CACNA1D: variants seen among roughly 807,000 people sequenced by gnomAD.
CACNA1D encodes calcium voltage-gated channel subunit alpha1 D.
A neutral mutation model predicts 257.1 loss-of-function variants in CACNA1D; 55 were observed. The observed-to-expected ratio is 0.21, with a 90% CI of 0.17 to 0.27. The LOEUF (loss-of-function observed/expected upper bound fraction) is 0.27. Among genes scored for constraint, CACNA1D ranks in the 10% least tolerant of loss-of-function variants. CACNA1D has a pLI of 1.00. For synonymous variants in CACNA1D, 980 were observed against 1,014.9 expected, an observed-to-expected ratio of 0.97 and a Z score of 0.65; for missense variants, 1,876 against 2,784.0, an observed-to-expected ratio of 0.67 and a Z score of 7.34.
intron 3 of CACNA1D, among the ~76,000 whole-genome samples, chr3:53,645,938 A>G (rs1576215499): frequency 6.6e-6 from 1 of 152,220 alleles, no homozygotes; most frequent in Non-Finnish European, 1.5e-5. Context: ...CTGAGTTGGG[A>G]CTAGCAGAAA....
chr3:53,566,653 G>A (rs575104459), intron 3 of CACNA1D, among the ~76,000 whole-genome samples: 51 of 152,248 alleles, frequency 3.3e-4, no homozygotes, highest in South Asian at 6.2e-4. Flanking sequence ...CATGGGAGCC[G>A]CTTGAGAGCT....
chr3:53,724,860 T>A (rs1249303653), intron 14 of CACNA1D, among the ~76,000 whole-genome samples: 2 of 152,216 alleles, frequency 1.3e-5, no homozygotes, highest in Non-Finnish European at 2.9e-5. Context: ...GGGAATGATC[T>A]GGACAATTCT....
chr3:53,555,921 TTAAGA>T (rs1466465560), intron 3 of CACNA1D, among the ~76,000 whole-genome samples: 1 of 152,218 alleles, frequency 6.6e-6, no homozygotes, highest in Non-Finnish European at 1.5e-5. Flanking sequence ...CTTACCACAA[TTAAGA>T]TAACAGAACA....
intron 3 of CACNA1D, among the ~76,000 whole-genome samples, chr3:53,633,139 G>T (rs575903228): frequency 6.6e-6 from 1 of 152,346 alleles, no homozygotes; most frequent in South Asian, 2.1e-4. Context: ...TGCATACTAT[G>T]TGCTGACCAT....
Position 53,730,569 on chromosome 3 carries a change from T to G in CACNA1D, c.2336+13T>G, listed in dbSNP as rs978542648. On this transcript the variant is annotated intron_variant, in intron 16 of 47. Coordinates refer to ENST00000350061, the MANE Select transcript of CACNA1D (RefSeq NM_001128840.3). ...AAAAGATTGCCAGGTAACCCTATTT[T>G]CCCCTGACGTGTTTGTCCAGGGGCT... 1.3e-5 allele frequency: 20 copies of G among 1,577,684 alleles called. No individual in the cohort carries two copies. Among genetic ancestry groups the G allele is most frequent in the Non-Finnish European group, 1.7e-5 (20 of 1,147,346 alleles).
intron 3 of CACNA1D, among the ~76,000 whole-genome samples, chr3:53,583,326 C>A (rs977254895): frequency 3.3e-5 from 5 of 151,994 alleles, no homozygotes; most frequent in African/African-American, 1.2e-4. Flanking sequence ...CCCTACCTGA[C>A]CCTCCTTATT....
In CACNA1D at chr3:53,789,649, G is replaced by A. The variant is rs1407273148; in HGVS notation, c.4923+2697G>A. The stretch of plus-strand genomic sequence containing the variant: ...CTCCTCCCACAGCAGGGTGCCCCAT[G>A]GCTGGCAGACTGCGTGCTAATGGAA... On this transcript the variant is annotated intron_variant, in intron 40 of 47. Transcript: ENST00000350061. The surrounding 1 kb of genome is among the most constrained non-coding windows in gnomAD (Gnocchi z 4.2). Among the ~76,000 whole-genome samples the A allele has an allele frequency of 6.6e-6, 1 of 152,226 alleles. No homozygotes were observed. Among genetic ancestry groups the A allele is most frequent in the African/African-American group, 2.4e-5 (1 of 41,462 alleles).
At chr3:53,765,560 C>T (rs1366885752) in intron 30 of CACNA1D, 1 of 152,646 alleles carries the variant, frequency 6.6e-6, no homozygotes, top group East Asian at 1.9e-4. Flanking sequence ...TTGGTTTTCA[C>T]TGCGCTCCAC....
At chr3:53,705,636 C>G (rs146628532) in intron 9 of CACNA1D, among the ~76,000 whole-genome samples, 11 of 152,254 alleles carry the variant, frequency 7.2e-5, no homozygotes, top group African/African-American at 2.6e-4. Flanking sequence ...CAGTGCTTCC[C>G]GAGTCATCAG....
At chr3:53,748,052 A>C (rs143302836) in intron 26 of CACNA1D, among the ~76,000 whole-genome samples, 24 of 152,314 alleles carry the variant, frequency 1.6e-4, no homozygotes, top group Non-Finnish European at 3.1e-4. Flanking sequence ...GCCCAAATCA[A>C]ATCAGTGTCA....
At chr3:53,586,450 T>TC (rs1162200791) in intron 3 of CACNA1D, among the ~76,000 whole-genome samples, 1 of 152,016 alleles carries the variant, frequency 6.6e-6, no homozygotes, top group Non-Finnish European at 1.5e-5. Context: ...ATTTTTTTTT[T>TC]TGTGGCACCC....
intron 3 of CACNA1D, among the ~76,000 whole-genome samples, chr3:53,535,084 A>G (rs1020027525): frequency 8.5e-5 from 13 of 152,174 alleles, no homozygotes; most frequent in African/African-American, 3.1e-4. Context: ...AGGGTAGAGA[A>G]ACCAAAGAGC....
At chr3:53,749,606 A>C in intron 27 of CACNA1D, 137 bp downstream of exon 27, 1 of 704,406 alleles carries the variant, frequency 1.4e-6, no homozygotes, top group South Asian at 1.5e-5. Flanking sequence ...TGTTCTAAGC[A>C]CACCCTCAGC....
intron 40 of CACNA1D, among the ~76,000 whole-genome samples, chr3:53,798,765 G>C (rs1453853754): frequency 6.6e-6 from 1 of 152,144 alleles, no homozygotes; most frequent in African/African-American, 2.4e-5. Context: ...ACCAGCACTG[G>C]CATTGGCAAC....
intron 12 of CACNA1D, among the ~76,000 whole-genome samples, 155 bp downstream of exon 12, chr3:53,722,629 A>G (rs1231548769): frequency 6.6e-6 from 1 of 152,252 alleles, no homozygotes; most frequent in African/African-American, 2.4e-5. Context: ...AGCAACTACC[A>G]GAGCGAGGGT....
chr3:53,760,323 G>A (rs2095293628), intron 29 of CACNA1D, among the ~76,000 whole-genome samples: 1 of 152,152 alleles, frequency 6.6e-6, no homozygotes. Context: ...AAAAGGCTGT[G>A]GTTCTGCAGT....
Position 53,811,055 on chromosome 3 carries a change from C to A in CACNA1D, c.6193-58C>A. On this transcript the variant is annotated intron_variant, in intron 47 of 47. Transcript: ENST00000350061. The surrounding 1 kb of genome is among the most constrained non-coding windows in gnomAD (Gnocchi z 4.2). ...ACTGGAGTTGATTTTTCTGTCGTCC[C>A]CCTGCCCTGCAAAGCCTTATAACAC... 7.2e-7 allele frequency: 1 copy of A among 1,391,732 alleles called. No individual in the cohort carries two copies. Among genetic ancestry groups the A allele is most frequent in the South Asian group, 1.2e-5 (1 of 86,420 alleles). 86.2% of individuals were successfully genotyped at this position (1,391,732 alleles called of 1,614,324 possible).
chr3:53,581,784 C>CT lies in CACNA1D; in HGVS notation c.484-68994dup, dbSNP rs1224724273. Among the ~76,000 whole-genome samples, 9 of 152,292 alleles carry CT rather than the reference C, an allele frequency of 5.9e-5. No individual in the cohort carries two copies. The South Asian group carries it at 1.9e-3, about 32-fold the overall frequency. ...CTGTTGTCTTGCCCACGTCTACTCT[C>CT]TACTAATAAGTTAAGAGGCACATGC... On this transcript the variant is annotated intron_variant, in intron 3 of 47. Coordinates refer to ENST00000350061, the MANE Select transcript of CACNA1D (RefSeq NM_001128840.3).
In CACNA1D at chr3:53,601,763, C is replaced by T. The variant is rs531999258; in HGVS notation, c.484-49016C>T. On this transcript the variant is annotated intron_variant, in intron 3 of 47. Coordinates refer to ENST00000350061, the MANE Select transcript of CACNA1D (RefSeq NM_001128840.3). ...TCACCCAGGCTAGAGTGCAGAGGCACGATCTCAGCTTGTCTTGGCTCACTG... is the reference window on the plus strand; with the variant it reads ...TCACCCAGGCTAGAGTGCAGAGGCATGATCTCAGCTTGTCTTGGCTCACTG... 2.0e-5 allele frequency among the ~76,000 whole-genome samples: 3 copies of T among 152,264 alleles called. No individual in the cohort carries two copies. The South Asian group carries it at 6.2e-4, about 32-fold the overall frequency.
Sources: gnomAD v4.1 joint callset for allele counts (sites outside exome capture counted in the v4.1 genomes callset) on GRCh38, gnomAD v4.1.1 for gene constraint, Gnocchi (gnomAD v3.1) non-coding constraint, MANE v1.5 for transcripts, NCBI Gene and HGNC (gene_info 2026-07-23, HGNC 2026-07-21) for gene names.